The following CIITA variants were observed in gnomAD, a reference collection of about 807,000 sequenced individuals.
The protein encoded by CIITA is MHC class II transactivator.
Under a neutral mutation model 115.1 loss-of-function variants are expected in CIITA, and 72 were observed. The observed-to-expected ratio is 0.63, with a 90% CI of 0.52 to 0.76. The LOEUF (loss-of-function observed/expected upper bound fraction) is 0.76. Ranked by LOEUF, CIITA falls within the 30% of genes least tolerant of loss-of-function variation. The pLI, the probability that CIITA is intolerant of heterozygous loss-of-function variation, is 0.00. For missense variants in CIITA, 1,617 were observed against 1,463.8 expected, an observed-to-expected ratio of 1.10 and a Z score of -1.71; for synonymous variants, 763 against 635.6, an observed-to-expected ratio of 1.20 and a Z score of -3.02.
At position 10,935,534 on chromosome 16, in the gene CIITA, A is replaced by G. The variant is rs1309684645; in HGVS notation, c.*11679A>G. 6.6e-6 allele frequency: 1 copy of G among 152,252 alleles called. No homozygotes were observed. The highest frequency in any genetic ancestry group is 6.5e-5 in the Admixed American group (1 of 15,284). The allele number at this position is 152,252 out of a possible 1,614,324, so 9.4% of individuals were successfully genotyped here. A position where few individuals can be genotyped will look rare whatever the true frequency, so the allele number is the denominator to read the frequency against. Reference sequence around the variant, plus strand: ...TTTTTAAAAAATAAATTCACATAAAAAAGTAGTTTTACAGATGAAGCACTA... The same window carrying G: ...TTTTTAAAAAATAAATTCACATAAAGAAGTAGTTTTACAGATGAAGCACTA... On this transcript the variant is annotated 3_prime_UTR_variant, in exon 20 of 20. Transcript: ENST00000324288.
rs1036502291 is a variant in CIITA, at chr16:10,929,307, G to A, written c.*5452G>A. 1.5e-5 allele frequency: 15 copies of A among 985,838 alleles called. No homozygotes were observed. Among genetic ancestry groups the A allele is most frequent in the African/African-American group, 3.5e-5 (2 of 57,248 alleles). 61.1% of individuals were successfully genotyped at this position (985,838 alleles called of 1,614,324 possible). Reference sequence around the variant, plus strand: ...AGTGGGGGAAGCAGGTGCGCTCCGGGATGAAGTGCAGGGAGGCAAACTCTG... The same window carrying A: ...AGTGGGGGAAGCAGGTGCGCTCCGGAATGAAGTGCAGGGAGGCAAACTCTG... On this transcript the variant is annotated 3_prime_UTR_variant, in exon 20 of 20. Transcript: ENST00000324288. This position sits in a 1 kb window ranked among gnomAD's most constrained non-coding sequence, Gnocchi z 4.3.
At chr16:10,898,126 C>T (rs112138243) in intron 3 of CIITA, among the ~76,000 whole-genome samples, 183 of 152,234 alleles carry the variant, frequency 1.2e-3, no homozygotes, top group African/African-American at 4.0e-3. Flanking sequence ...CCTTTTTTCT[C>T]GGACTTCATG....
intron 4 of CIITA, 30 bp from the exon 5 acceptor site, chr16:10,898,895 T>C: frequency 6.2e-7 from 1 of 1,612,780 alleles, no homozygotes; most frequent in Non-Finnish European, 8.5e-7. Context: ...ATTGATTGTG[T>C]GAGTTGGTCT....
Position 10,924,239 on chromosome 16 carries a change from C to CT in CIITA, c.*393dup, listed in dbSNP as rs200657631. 402 of 151,924 alleles carry CT rather than the reference C, an allele frequency of 2.6e-3. 2 individuals are homozygous for CT. The highest frequency in any genetic ancestry group is 0.02 in the East Asian group (104 of 5,172). 9.4% of individuals were successfully genotyped at this position (151,924 alleles called of 1,614,324 possible). The stretch of plus-strand genomic sequence containing the variant: ...CTGCCACCCTGGGGAGAAAGTACTT[C>CT]TTTTTTTTTATTTTTAGACAGAGTC... On this transcript the variant is annotated 3_prime_UTR_variant, in exon 20 of 20. Coordinates refer to ENST00000324288, the MANE Select transcript of CIITA (RefSeq NM_000246.4).
intron 1 of CIITA, among the ~76,000 whole-genome samples, chr16:10,892,323 C>CAA (rs1033904354): frequency 7.5e-6 from 1 of 132,512 alleles, no homozygotes; most frequent in African/African-American, 2.8e-5. Flanking sequence ...GACTCTGTCT[C>CAA]AAAAAAAAAA....
In CIITA at chr16:10,877,251, A is replaced by T. The variant is rs2035910880; in HGVS notation, c.-80A>T. 5 of 1,337,002 alleles carry T rather than the reference A, an allele frequency of 3.7e-6. No individual in the cohort carries two copies. The highest frequency in any genetic ancestry group is 5.3e-6 in the Non-Finnish European group (5 of 944,464). 82.8% of individuals were successfully genotyped at this position (1,337,002 alleles called of 1,614,324 possible). A position where few individuals can be genotyped will look rare whatever the true frequency, so the allele number is the denominator to read the frequency against. ...GTGTGCTTCTGAGCTGGGCATCCGA[A>T]GGCATCCTTGGGGAAGCTGAGGGCA... On this transcript the variant is annotated 5_prime_UTR_variant, in exon 1 of 20. The change creates a new upstream start codon in the 5' untranslated region. Coordinates refer to ENST00000324288, the MANE Select transcript of CIITA (RefSeq NM_000246.4).
intron 1 of CIITA, among the ~76,000 whole-genome samples, chr16:10,894,525 T>C (rs2144238209): frequency 6.6e-6 from 1 of 152,370 alleles, no homozygotes; most frequent in South Asian, 2.1e-4. Context: ...TGAATATTTA[T>C]TACATGCATA....
upstream of CIITA, among the ~76,000 whole-genome samples, chr16:10,874,935 T>C (rs548603606): frequency 9.0e-4 from 137 of 152,218 alleles, 2 homozygotes; most frequent in African/African-American, 3.2e-3. Context: ...TGGCACCAGG[T>C]CATAGGATAA....
Position 10,924,214 on chromosome 16 carries a change from C to T in CIITA, c.*359C>T, listed in dbSNP as rs1306374376. The T allele has an allele frequency of 6.6e-6, 1 of 152,398 alleles. No homozygotes were observed. The highest frequency in any genetic ancestry group is 2.4e-5 in the African/African-American group (1 of 41,446). The allele number at this position is 152,398 out of a possible 1,614,324, so 9.4% of individuals were successfully genotyped here. A position where few individuals can be genotyped will look rare whatever the true frequency, so the allele number is the denominator to read the frequency against. On this transcript the variant is annotated 3_prime_UTR_variant, in exon 20 of 20. Coordinates refer to ENST00000324288, the MANE Select transcript of CIITA (RefSeq NM_000246.4). The stretch of plus-strand genomic sequence containing the variant: ...AGCCCCATTCTGCCTGCCCAGGCCC[C>T]TGCCACCCTGGGGAGAAAGTACTTC...
At position 10,906,550 on chromosome 16, in the gene CIITA, C is replaced by A. The variant is rs1298991580; in HGVS notation, c.1058C>A (p.Pro353His). ...RSLQDTYGAE[P>H]AGPDGILVEV... ...CTGCAGGACACGTATGGTGCCGAGC[C>A]CGCAGGCCCGGATGGCATCCTAGTG... The change falls in exon 11 of 20, where the codon CCC (proline) becomes CAC (histidine). Residue 353 changes from proline (P) to histidine (H), a missense_variant. Pro to His is a moderately conservative substitution (Grantham distance 77). Coordinates refer to ENST00000324288, the MANE Select transcript of CIITA (RefSeq NM_000246.4). 6.2e-7 allele frequency: 1 copy of A among 1,612,906 alleles called. No homozygotes were observed.
intron 13 of CIITA, chr16:10,915,079 G>T (rs138212479): frequency 5.5e-4 from 251 of 454,732 alleles, no homozygotes; most frequent in African/African-American, 4.7e-3. Context: ...TTGAGACAGG[G>T]TCTCGCTCTT....
chr16:10,891,032 A>G (rs1045991880), intron 1 of CIITA, among the ~76,000 whole-genome samples: 74 of 152,030 alleles, frequency 4.9e-4, no homozygotes, highest in Admixed American at 4.8e-3. Context: ...TTCCCTTCTC[A>G]ATTTATTTCT....
chr16:10,875,013 C>T (rs933200736), upstream of CIITA, among the ~76,000 whole-genome samples: 18 of 151,960 alleles, frequency 1.2e-4, no homozygotes, highest in African/African-American at 3.9e-4. Flanking sequence ...CTGTCACCCA[C>T]GCTTGAGTGC....
intron 1 of CIITA, among the ~76,000 whole-genome samples, chr16:10,880,615 G>T (rs188619722): frequency 6.6e-6 from 1 of 152,344 alleles, no homozygotes; most frequent in Admixed American, 6.5e-5. Context: ...CAGGCAGTCA[G>T]AGAGAAACCT....
rs760198511 is a variant in CIITA, at chr16:10,901,358, C to G, written c.437-156C>G. Among the ~76,000 whole-genome samples the G allele has an allele frequency of 6.6e-6, 1 of 152,114 alleles. No individual in the cohort carries two copies. The highest frequency in any genetic ancestry group is 2.4e-5 in the African/African-American group (1 of 41,410). On this transcript the variant is annotated intron_variant, in intron 5 of 19. Coordinates refer to ENST00000324288, the MANE Select transcript of CIITA (RefSeq NM_000246.4). This position sits in a 1 kb window ranked among gnomAD's most constrained non-coding sequence, Gnocchi z 6.8. ...TGGGGTTTGGGTTCAAGCCAAGGAGCTGGGGTTGGAATGTTAGAGCGAGGG... is the reference window on the plus strand; with the variant it reads ...TGGGGTTTGGGTTCAAGCCAAGGAGGTGGGGTTGGAATGTTAGAGCGAGGG...
chr16:10,909,871 A>ATC (rs886946842), intron 12 of CIITA, among the ~76,000 whole-genome samples: 8 of 152,002 alleles, frequency 5.3e-5, no homozygotes, highest in African/African-American at 1.9e-4. Flanking sequence ...AGTAGCTGGG[A>ATC]TTATAGGTGC....
chr16:10,886,035 G>A (rs1181180558), intron 1 of CIITA, among the ~76,000 whole-genome samples: 2 of 145,500 alleles, frequency 1.4e-5, no homozygotes, highest in African/African-American at 5.0e-5. Flanking sequence ...GTTTGTATGT[G>A]CTCTTATAAA....
At chr16:10,904,447 C>G (rs544876348) in intron 9 of CIITA, among the ~76,000 whole-genome samples, 2 of 152,294 alleles carry the variant, frequency 1.3e-5, no homozygotes, top group Non-Finnish European at 2.9e-5. Context: ...TCTCGAACTC[C>G]TGATCTCAAG....
intron 1 of CIITA, among the ~76,000 whole-genome samples, chr16:10,868,050 C>T (rs567895571): frequency 7.9e-5 from 12 of 152,320 alleles, no homozygotes; most frequent in African/African-American, 2.9e-4. Flanking sequence ...GCATGAGCCA[C>T]CACACCCAAC....
Sources: gnomAD v4.1 joint callset for allele counts (sites outside exome capture counted in the v4.1 genomes callset) on GRCh38, gnomAD v4.1.1 for gene constraint, Gnocchi (gnomAD v3.1) non-coding constraint, MANE v1.5 for transcripts, NCBI Gene and HGNC (gene_info 2026-07-23, HGNC 2026-07-21) for gene names.